Variants in GPR176 observed in about 807,000 individuals in gnomAD.
GPR176 encodes G protein-coupled receptor 176.
GPR176 carries 26 observed loss-of-function variants against 35.4 expected under a neutral mutation model. That is an observed-to-expected ratio of 0.74 (90% confidence interval 0.54 to 1.02). GPR176 has a LOEUF of 1.02. Ranked by LOEUF, GPR176 falls within the 50% of genes least tolerant of loss-of-function variation. GPR176 has a pLI of 0.00. For synonymous variants in GPR176, 278 were observed against 271.3 expected, an observed-to-expected ratio of 1.02 and a Z score of -0.24; for missense variants, 597 against 665.3, an observed-to-expected ratio of 0.90 and a Z score of 1.13.
chr15:39,900,635 C>T (rs2033250291), intron 1 of GPR176, among the ~76,000 whole-genome samples: 3 of 152,162 alleles, frequency 2.0e-5, no homozygotes, highest in Admixed American at 2.0e-4. Flanking sequence ...TCCTTCTGAT[C>T]ACCCACTTGC....
At chr15:39,813,799 A>G (rs534992415) in intron 1 of GPR176, among the ~76,000 whole-genome samples, 1 of 152,210 alleles carries the variant, frequency 6.6e-6, no homozygotes, top group East Asian at 1.9e-4. Context: ...GGTTTTATAA[A>G]CTGTTTCCAA....
intron 1 of GPR176, chr15:39,813,114 A>G (rs1271752689): frequency 1.3e-5 from 2 of 152,310 alleles, no homozygotes; most frequent in East Asian, 3.9e-4. Flanking sequence ...TTTTGTTGTC[A>G]TACATTTTAC....
chr15:39,818,726 C>T lies in GPR176; in HGVS notation c.173-11468G>A, dbSNP rs576316332. ...GTCTGCCCCATCCTTGGGGCTCTCTCATGGAATTCACAAAGCCCCTGAAAT... is the reference window on the plus strand; with the variant it reads ...GTCTGCCCCATCCTTGGGGCTCTCTTATGGAATTCACAAAGCCCCTGAAAT... On this transcript the variant is annotated intron_variant, in intron 1 of 2. Coordinates refer to ENST00000561100, the MANE Select transcript of GPR176 (RefSeq NM_007223.3). 5.9e-5 allele frequency among the ~76,000 whole-genome samples: 9 copies of T among 152,342 alleles called. No homozygotes were observed. In the East Asian group the frequency reaches 9.6e-4, roughly 16 times the overall value.
intron 1 of GPR176, among the ~76,000 whole-genome samples, chr15:39,898,862 G>T (rs1239764511): frequency 6.6e-6 from 1 of 152,154 alleles, no homozygotes; most frequent in Non-Finnish European, 1.5e-5. Flanking sequence ...GTGTGGGTGG[G>T]GGAGAAGGGG....
intron 1 of GPR176, among the ~76,000 whole-genome samples, chr15:39,827,749 C>G (rs1900775605): frequency 6.6e-6 from 1 of 152,208 alleles, no homozygotes; most frequent in Non-Finnish European, 1.5e-5. Flanking sequence ...AAAACACAAT[C>G]ACTTTTGCAC....
intron 1 of GPR176, among the ~76,000 whole-genome samples, chr15:39,829,536 T>G (rs576183962): frequency 1.8e-4 from 28 of 152,264 alleles, no homozygotes; most frequent in East Asian, 9.7e-4. Flanking sequence ...AAAATTAAAG[T>G]AGAAACAGCT....
At chr15:39,834,562 A>T (rs1901278847) in intron 1 of GPR176, among the ~76,000 whole-genome samples, 1 of 152,210 alleles carries the variant, frequency 6.6e-6, no homozygotes, top group Admixed American at 6.5e-5. Context: ...GATAAAGAAA[A>T]TGTGATACAT....
chr15:39,819,988 G>A (rs183013573), intron 1 of GPR176, among the ~76,000 whole-genome samples: 1 of 152,304 alleles, frequency 6.6e-6, no homozygotes, highest in Admixed American at 6.5e-5. Flanking sequence ...GAATTTAGTA[G>A]GCAAGGCAGG....
chr15:39,906,413 C>A (rs1029884948), intron 1 of GPR176, among the ~76,000 whole-genome samples: 2 of 152,132 alleles, frequency 1.3e-5, no homozygotes, highest in African/African-American at 4.8e-5. Context: ...CACAGGCAGC[C>A]AAATGTCATG....
chr15:39,879,030 A>G (rs1205582098), intron 1 of GPR176, among the ~76,000 whole-genome samples: 2 of 152,236 alleles, frequency 1.3e-5, no homozygotes, highest in Non-Finnish European at 2.9e-5. Flanking sequence ...CTTGGTGAAG[A>G]TTACTGAGAG....
chr15:39,877,454 C>T (rs2140845119), intron 1 of GPR176, among the ~76,000 whole-genome samples: 1 of 152,156 alleles, frequency 6.6e-6, no homozygotes, highest in South Asian at 2.1e-4. Context: ...CATTTTATTG[C>T]CTTGTATTAA....
At chr15:39,894,137 ACC>A in intron 1 of GPR176, among the ~76,000 whole-genome samples, 1 of 75,520 alleles carries the variant, frequency 1.3e-5, no homozygotes, top group Admixed American at 1.3e-4. Context: ...GCGGGGGCTG[ACC>A]CCCCCACCTC....
rs56107310 is a variant in GPR176, at chr15:39,919,733, T to C, written c.172+122A>G. 5.5e-3 allele frequency: 3,796 copies of C among 694,554 alleles called. 31 individuals carry two copies. The highest frequency in any genetic ancestry group is 0.011 in the South Asian group (345 of 30,506). The allele number at this position is 694,554 out of a possible 1,614,324, so 43.0% of individuals were successfully genotyped here. A position where few individuals can be genotyped will look rare whatever the true frequency, so the allele number is the denominator to read the frequency against. ...AGCTACCCGGGATCCTTAAGCTTCC[T>C]TCAACTCTCTGCACTTTGCCAGGCA... On this transcript the variant is annotated intron_variant, in intron 1 of 2. Transcript: ENST00000561100.
At chr15:39,805,988 G>A (rs1045505405) in intron 2 of GPR176, among the ~76,000 whole-genome samples, 1 of 152,166 alleles carries the variant, frequency 6.6e-6, no homozygotes, top group Non-Finnish European at 1.5e-5. Flanking sequence ...TGGGGGCTTC[G>A]TGTGACTCTG....
At chr15:39,899,782 A>G (rs1344927685) in intron 1 of GPR176, among the ~76,000 whole-genome samples, 1 of 152,212 alleles carries the variant, frequency 6.6e-6, no homozygotes, top group Non-Finnish European at 1.5e-5. Context: ...AAAATGTATT[A>G]AAGTCTTGAC....
At chr15:39,805,809 A>G (rs182175156) in intron 2 of GPR176, among the ~76,000 whole-genome samples, 2 of 152,348 alleles carry the variant, frequency 1.3e-5, no homozygotes, top group Admixed American at 1.3e-4. Context: ...CAGGCCATAA[A>G]TAATTCACTT....
chr15:39,803,140 G>A (rs1170098012), intron 2 of GPR176, among the ~76,000 whole-genome samples: 1 of 152,046 alleles, frequency 6.6e-6, no homozygotes, highest in African/African-American at 2.4e-5. Flanking sequence ...TCAGAGATAT[G>A]GTCAGTTTCT....
intron 1 of GPR176, among the ~76,000 whole-genome samples, chr15:39,861,301 C>T (rs2031571658): frequency 6.6e-6 from 1 of 152,092 alleles, no homozygotes; most frequent in African/African-American, 2.4e-5. Context: ...CCTGTAATCC[C>T]AGCACTTTGG....
chr15:39,810,113 C>T (rs1355299655), intron 1 of GPR176, among the ~76,000 whole-genome samples: 2 of 148,180 alleles, frequency 1.3e-5, no homozygotes, highest in South Asian at 2.1e-4. Context: ...CCACTCCAGC[C>T]TGGGTGACAG....
Sources: allele counts gnomAD v4.1 joint callset (sites outside exome capture counted in the v4.1 genomes callset), GRCh38; gene constraint gnomAD v4.1.1; transcripts MANE v1.5; gene names NCBI Gene and HGNC (gene_info 2026-07-23, HGNC 2026-07-21).